Variants in ANKH observed in about 807,000 individuals in gnomAD.
ANKH encodes the protein mineralization regulator ANKH.
In ANKH, 15 loss-of-function variants were observed where a neutral mutation model predicts 49.0. That is an observed-to-expected ratio of 0.31 (90% CI 0.20 to 0.47). The LOEUF (loss-of-function observed/expected upper bound fraction) is 0.47. Among genes scored for constraint, ANKH ranks in the 20% least tolerant of loss-of-function variants. The pLI, the probability that ANKH is intolerant of heterozygous loss-of-function variation, is 1.00. For synonymous variants in ANKH, 273 were observed against 260.0 expected (o/e 1.05, Z -0.48); for missense variants, 429 against 652.0 (o/e 0.66, Z 3.72).
At position 14,745,429 on chromosome 5, in the gene ANKH, G is replaced by A. The variant is rs1247902987; in HGVS notation, c.915+441C>T. Among the ~76,000 whole-genome samples, 1 of 152,066 alleles carries A rather than the reference G, an allele frequency of 6.6e-6. No homozygotes were observed. Among genetic ancestry groups the A allele is most frequent in the Non-Finnish European group, 1.5e-5 (1 of 68,030 alleles). On this transcript the variant is annotated intron_variant, in intron 7 of 11. Transcript: ENST00000284268. This position sits in a 1 kb window ranked among gnomAD's most constrained non-coding sequence, Gnocchi z 4.7. ...ACACTGGACCCAGGTCTTGCCTGTGGCCAACCTGAGCATGTAGGTAGGCCA... is the reference window on the plus strand; with the variant it reads ...ACACTGGACCCAGGTCTTGCCTGTGACCAACCTGAGCATGTAGGTAGGCCA...
At chr5:14,756,828 A>G (rs1736438391) in intron 3 of ANKH, among the ~76,000 whole-genome samples, 1 of 152,104 alleles carries the variant, frequency 6.6e-6, no homozygotes, top group Admixed American at 6.5e-5. Context: ...GTCCTTATAA[A>G]TGTTCATTAT....
At chr5:14,794,423 G>C (rs1740308197) in intron 1 of ANKH, among the ~76,000 whole-genome samples, 1 of 152,232 alleles carries the variant, frequency 6.6e-6, no homozygotes, top group Non-Finnish European at 1.5e-5. Context: ...GGGAGCACAG[G>C]GAGCATGTGT....
chr5:14,863,080 C>T (rs1395487888), intron 1 of ANKH, among the ~76,000 whole-genome samples: 9 of 152,100 alleles, frequency 5.9e-5, no homozygotes, highest in Non-Finnish European at 7.3e-5. Context: ...AGTGGTTACA[C>T]GGGCATACTG....
chr5:14,834,298 G>GCT (rs1741591944), intron 1 of ANKH, among the ~76,000 whole-genome samples: 1 of 152,100 alleles, frequency 6.6e-6, no homozygotes, highest in Non-Finnish European at 1.5e-5. Context: ...ATTGGTAAAT[G>GCT]CTCAGTCTCT....
intron 1 of ANKH, among the ~76,000 whole-genome samples, chr5:14,824,651 G>A (rs1285285007): frequency 2.6e-5 from 4 of 152,200 alleles, no homozygotes; most frequent in East Asian, 1.9e-4. Context: ...TGACAGGAGC[G>A]ACTGCCAACA....
intron 7 of ANKH, among the ~76,000 whole-genome samples, chr5:14,742,386 A>G (rs1317874353): frequency 1.3e-5 from 2 of 152,194 alleles, no homozygotes; most frequent in African/African-American, 2.4e-5. Context: ...GCCTTGTGCA[A>G]TCTGACACAG....
At chr5:14,805,354 C>T (rs1561063632) in intron 1 of ANKH, among the ~76,000 whole-genome samples, 1 of 150,246 alleles carries the variant, frequency 6.7e-6, no homozygotes, top group African/African-American at 2.5e-5. Flanking sequence ...TAAGTTAATA[C>T]TTAATAAACT....
intron 1 of ANKH, among the ~76,000 whole-genome samples, chr5:14,796,131 TTTTA>T (rs753939930): frequency 1.4e-3 from 217 of 152,226 alleles, no homozygotes; most frequent in Non-Finnish European, 2.3e-3. Flanking sequence ...TCAGACCTTG[TTTTA>T]TTGAGCTTCA....
intron 1 of ANKH, among the ~76,000 whole-genome samples, chr5:14,865,606 T>C (rs1456893040): frequency 1.3e-5 from 2 of 152,184 alleles, no homozygotes; most frequent in Non-Finnish European, 2.9e-5. Flanking sequence ...TTAAGCACTG[T>C]CAAAGGAGGT....
intron 11 of ANKH, 86 bp downstream of exon 11, chr5:14,712,788 C>T: frequency 7.4e-7 from 1 of 1,352,376 alleles, no homozygotes; most frequent in Non-Finnish European, 1.0e-6. Flanking sequence ...ACGAACGCCA[C>T]CATCCAACCT....
At chr5:14,740,519 C>T (rs1243366036) in intron 8 of ANKH, among the ~76,000 whole-genome samples, 3 of 152,136 alleles carry the variant, frequency 2.0e-5, no homozygotes, top group Admixed American at 6.5e-5. Flanking sequence ...CCAACGCCCC[C>T]GTGTTCCACA....
chr5:14,870,884 C>G (rs939597275), intron 1 of ANKH: 28 of 347,342 alleles, frequency 8.1e-5, no homozygotes, highest in Non-Finnish European at 1.6e-4. Flanking sequence ...TACCCCTAAT[C>G]CTTACCTGGA....
At chr5:14,828,934 C>T (rs1340111309) in intron 1 of ANKH, among the ~76,000 whole-genome samples, 1 of 152,170 alleles carries the variant, frequency 6.6e-6, no homozygotes, top group Non-Finnish European at 1.5e-5. Flanking sequence ...CGCCTGTAAT[C>T]CCAACACTTT....
At position 14,713,447 on chromosome 5, in the gene ANKH, G is replaced by T. The variant is rs1030751570; in HGVS notation, c.1265+97C>A. 7 of 1,511,012 alleles carry T rather than the reference G, an allele frequency of 4.6e-6. No individual in the cohort carries two copies. The African/African-American group carries it at 5.5e-5, about 12-fold the overall frequency. 93.6% of individuals were successfully genotyped at this position (1,511,012 alleles called of 1,614,324 possible). ...ATTCTGAATTTCCGATTCTAGACGTGCCTGGGGATTTCCCCTGAAAATGTA... is the reference window on the plus strand; with the variant it reads ...ATTCTGAATTTCCGATTCTAGACGTTCCTGGGGATTTCCCCTGAAAATGTA... On this transcript the variant is annotated intron_variant, in intron 10 of 11. Coordinates refer to ENST00000284268, the MANE Select transcript of ANKH (RefSeq NM_054027.6). This position sits in a 1 kb window ranked among gnomAD's most constrained non-coding sequence, Gnocchi z 4.4.
intron 3 of ANKH, among the ~76,000 whole-genome samples, chr5:14,757,430 ATTT>A (rs1243593041): frequency 4.2e-4 from 48 of 113,798 alleles, no homozygotes; most frequent in African/African-American, 1.4e-3. Context: ...ATATATATAT[ATTT>A]TTTTTTTTTT....
rs541588668 is a variant in ANKH, at chr5:14,806,581, C to T, written c.97-37390G>A. ...TGGCTGTAGCTGTGGCAGGAGGTCACGCTCCTCCTGCTCAAAGGGCAGGGG... is the reference window on the plus strand; with the variant it reads ...TGGCTGTAGCTGTGGCAGGAGGTCATGCTCCTCCTGCTCAAAGGGCAGGGG... On this transcript the variant is annotated intron_variant, in intron 1 of 11. Transcript: ENST00000284268. Among the ~76,000 whole-genome samples, 10 of 152,200 alleles carry T rather than the reference C, an allele frequency of 6.6e-5. No homozygotes were observed. In the South Asian group the frequency reaches 1.0e-3, roughly 16 times the overall value.
chr5:14,798,313 A>G (rs1171903815), intron 1 of ANKH: 10 of 1,580,542 alleles, frequency 6.3e-6, no homozygotes, highest in African/African-American at 1.3e-5. Flanking sequence ...TTATAAAGAA[A>G]AGGGGTGTTC....
At chr5:14,751,975 T>C (rs1432029010) in intron 4 of ANKH, among the ~76,000 whole-genome samples, 1 of 152,026 alleles carries the variant, frequency 6.6e-6, no homozygotes, top group Non-Finnish European at 1.5e-5. Flanking sequence ...ATAAATAACA[T>C]ATACAGGAAA....
chr5:14,767,191 G>T (rs151051178), intron 2 of ANKH, among the ~76,000 whole-genome samples: 70 of 152,226 alleles, frequency 4.6e-4, no homozygotes, highest in African/African-American at 1.7e-3. Context: ...ATATAGAAAA[G>T]CTTACAGGAT....
Sources: gnomAD v4.1 joint callset for allele counts (sites outside exome capture counted in the v4.1 genomes callset) on GRCh38, gnomAD v4.1.1 for gene constraint, Gnocchi (gnomAD v3.1) non-coding constraint, MANE v1.5 for transcripts, NCBI Gene and HGNC (gene_info 2026-07-23, HGNC 2026-07-21) for gene names.